The following IMMP2L variants were observed in gnomAD, a reference collection of about 807,000 sequenced individuals.
IMMP2L encodes the protein mitochondrial inner membrane protease subunit 2.
IMMP2L carries 18 observed loss-of-function variants against 19.3 expected under a neutral mutation model. The observed-to-expected ratio is 0.93, with a 90% CI of 0.64 to 1.38. IMMP2L has a LOEUF of 1.38. Among genes scored for constraint, IMMP2L ranks in the 40% most tolerant of loss-of-function variants. IMMP2L has a pLI of 0.00. For missense variants in IMMP2L, 233 were observed against 218.2 expected, an observed-to-expected ratio of 1.07 and a Z score of -0.43; for synonymous variants, 76 against 73.0, an observed-to-expected ratio of 1.04 and a Z score of -0.21.
intron 3 of IMMP2L, among the ~76,000 whole-genome samples, chr7:111,034,255 G>T (rs967755612): frequency 2.0e-5 from 3 of 151,900 alleles, no homozygotes; most frequent in Non-Finnish European, 4.4e-5. Flanking sequence ...GATGAATTAA[G>T]ATAAAATTCT....
intron 5 of IMMP2L, among the ~76,000 whole-genome samples, chr7:110,862,740 A>G (rs141041510): frequency 0.01 from 1,528 of 152,134 alleles, 38 homozygotes; most frequent in African/African-American, 0.035. Context: ...CTCTGAAAAG[A>G]CCTTCAGGTC....
intron 3 of IMMP2L, among the ~76,000 whole-genome samples, chr7:111,005,527 T>A (rs999429528): frequency 6.6e-6 from 1 of 152,204 alleles, no homozygotes; most frequent in African/African-American, 2.4e-5. Flanking sequence ...GTGTAACAAC[T>A]AGTCCAACAT....
Position 111,513,747 on chromosome 7 carries a change from G to T in IMMP2L, c.135+7566C>A, listed in dbSNP as rs149135817. ...AAGGGATAAAGAAAGTGTAGTCAGT[G>T]TGGGTGTGGGTTTCTGTATATATAT... On this transcript the variant is annotated intron_variant, in intron 2 of 5. Transcript: ENST00000405709. 8.4e-3 allele frequency among the ~76,000 whole-genome samples: 1,286 copies of T among 152,216 alleles called. 13 individuals are homozygous for T. The highest frequency in any genetic ancestry group is 0.041 in the Middle Eastern group (12 of 292).
intron 5 of IMMP2L, among the ~76,000 whole-genome samples, chr7:110,860,359 G>C (rs983421369): frequency 7.2e-5 from 11 of 152,042 alleles, no homozygotes; most frequent in African/African-American, 2.4e-4. Flanking sequence ...AGATATCTCT[G>C]TATGTAGTAC....
chr7:111,434,307 G>A (rs1271201868), intron 3 of IMMP2L, among the ~76,000 whole-genome samples: 1 of 151,586 alleles, frequency 6.6e-6, no homozygotes, highest in East Asian at 1.9e-4. Context: ...TTTGGATTAG[G>A]CAATGATTTT....
intron 5 of IMMP2L, among the ~76,000 whole-genome samples, chr7:110,864,127 A>G (rs1315927321): frequency 1.3e-5 from 2 of 152,102 alleles, no homozygotes; most frequent in Non-Finnish European, 2.9e-5. Flanking sequence ...AATTTGAAAG[A>G]CCCGTTCCAT....
At position 111,297,261 on chromosome 7, in the gene IMMP2L, T is replaced by A. The variant is rs1821737524; in HGVS notation, c.239+189977A>T. 2.0e-5 allele frequency among the ~76,000 whole-genome samples: 3 copies of A among 152,196 alleles called. No homozygotes were observed. In the South Asian group the frequency reaches 6.2e-4, roughly 32 times the overall value. Reference sequence around the variant, plus strand: ...ATAAGGTCTGTGGATTGTACCAACATCTCTTCCCTGCTTTTGATACAGTTC... The same window carrying A: ...ATAAGGTCTGTGGATTGTACCAACAACTCTTCCCTGCTTTTGATACAGTTC... On this transcript the variant is annotated intron_variant, in intron 3 of 5. Transcript: ENST00000405709.
chr7:110,903,982 AT>A (rs58062442), intron 4 of IMMP2L, among the ~76,000 whole-genome samples: 84,955 of 150,116 alleles, frequency 0.57, 26,166 homozygotes, highest in African/African-American at 0.81. Flanking sequence ...GACATTAAGC[AT>A]TTTTTTTTTC....
chr7:110,768,281 G>A (rs1798801906), intron 5 of IMMP2L, among the ~76,000 whole-genome samples: 1 of 141,780 alleles, frequency 7.1e-6, no homozygotes, highest in Non-Finnish European at 1.5e-5. Context: ...ACCTTGATAT[G>A]TTTGAGGAAG....
rs573835056 is a variant in IMMP2L, at chr7:111,479,035, T to C, written c.239+8203A>G. ...CCTATTTATAGTTCTTCCTAACTCC[T>C]AGGATATAGCCCCACAAGAATTCCA... On this transcript the variant is annotated intron_variant, in intron 3 of 5. Transcript: ENST00000405709. 2.2e-3 allele frequency among the ~76,000 whole-genome samples: 334 copies of C among 152,310 alleles called. 1 individual carries two copies. The highest frequency in any genetic ancestry group is 5.6e-3 in the Admixed American group (85 of 15,300).
chr7:110,813,131 A>C (rs904556525), intron 5 of IMMP2L, among the ~76,000 whole-genome samples: 18 of 152,080 alleles, frequency 1.2e-4, no homozygotes, highest in African/African-American at 3.9e-4. Context: ...AAAAGTTGTC[A>C]TAAAATCAAA....
chr7:111,161,998 A>G (rs568356387), intron 3 of IMMP2L, among the ~76,000 whole-genome samples: 1 of 152,216 alleles, frequency 6.6e-6, no homozygotes, highest in African/African-American at 2.4e-5. Flanking sequence ...AGTATGTGTG[A>G]GTTACCACTT....
chr7:110,979,962 A>T, intron 3 of IMMP2L, among the ~76,000 whole-genome samples: 1 of 152,172 alleles, frequency 6.6e-6, no homozygotes, highest in East Asian at 1.9e-4. Context: ...ATTTTAAAAG[A>T]TCCATTAGAC....
rs1241081061 is a variant in IMMP2L at position 111,504,695 on chromosome 7, A to G, written c.135+16618T>C. On this transcript the variant is annotated intron_variant, in intron 2 of 5. Coordinates refer to ENST00000405709, the MANE Select transcript of IMMP2L (RefSeq NM_032549.4). ...TATCTACAACCATCTGATCTTTGAC[A>G]AACCTGACAAAAACAAGCAATGGGG... 2.6e-5 allele frequency among the ~76,000 whole-genome samples: 4 copies of G among 152,208 alleles called. No individual in the cohort carries two copies. The East Asian group carries it at 7.7e-4, about 29-fold the overall frequency.
At chr7:110,759,271 C>T (rs1798211514) in intron 5 of IMMP2L, among the ~76,000 whole-genome samples, 1 of 152,002 alleles carries the variant, frequency 6.6e-6, no homozygotes, top group African/African-American at 2.4e-5. Flanking sequence ...AACAGGCTGC[C>T]TTGTAACGAT....
At chr7:111,524,351 T>A (rs1306392987) in intron 1 of IMMP2L, among the ~76,000 whole-genome samples, 3 of 151,854 alleles carry the variant, frequency 2.0e-5, no homozygotes, top group African/African-American at 7.3e-5. Context: ...GGAAAAAAAA[T>A]AGTTACTACG....
chr7:111,516,944 T>C (rs1177150652), intron 2 of IMMP2L, among the ~76,000 whole-genome samples: 1 of 152,004 alleles, frequency 6.6e-6, no homozygotes, highest in African/African-American at 2.4e-5. Flanking sequence ...ATCTTGGAAG[T>C]GCAAATTTAC....
At chr7:110,980,224 C>CTTTTTT (rs1821130110) in intron 3 of IMMP2L, among the ~76,000 whole-genome samples, 2 of 61,296 alleles carry the variant, frequency 3.3e-5, no homozygotes, top group Non-Finnish European at 3.7e-5. Context: ...ATTTGTGCTG[C>CTTTTTT]TTCTTTTTTT....
chr7:111,100,599 A>C lies in IMMP2L; in HGVS notation c.240-137034T>G, dbSNP rs10239982. Among the ~76,000 whole-genome samples, 1,469 of 151,058 alleles carry C rather than the reference A, an allele frequency of 9.7e-3. 24 individuals are homozygous for C. The highest frequency in any genetic ancestry group is 0.033 in the African/African-American group (1,364 of 41,404). On this transcript the variant is annotated intron_variant, in intron 3 of 5. Coordinates refer to ENST00000405709, the MANE Select transcript of IMMP2L (RefSeq NM_032549.4). ...CACTTAATATAATTCAACTAATCTA[A>C]AAGTATTACTTGTGGATTTTCTACT...
Sources: allele counts gnomAD v4.1 joint callset (sites outside exome capture counted in the v4.1 genomes callset), GRCh38; gene constraint gnomAD v4.1.1; transcripts MANE v1.5; gene names NCBI Gene and HGNC (gene_info 2026-07-23, HGNC 2026-07-21).